Variants in SNX8 observed in about 807,000 individuals in gnomAD.
SNX8 encodes sorting nexin 8.
SNX8 carries 25 observed loss-of-function variants against 51.6 expected under a neutral mutation model. The observed-to-expected ratio is 0.48, with a 90% confidence interval of 0.35 to 0.68. SNX8 has a LOEUF of 0.68. SNX8 is among the 30% of genes least tolerant of loss of function. SNX8 has a pLI of 0.00. For synonymous variants in SNX8, 324 were observed against 277.0 expected (o/e 1.17, Z -1.68); for missense variants, 695 against 624.0 (o/e 1.11, Z -1.21).
chr7:2,281,602 C>T (rs928323893), intron 1 of SNX8, among the ~76,000 whole-genome samples: 14 of 152,064 alleles, frequency 9.2e-5, no homozygotes, highest in African/African-American at 3.1e-4. Flanking sequence ...TGAAGCAGTG[C>T]ACACAGCCCA....
In SNX8 at chr7:2,275,238, G is replaced by C. The variant is rs201038308; in HGVS notation, c.301-9C>G. ...ACCGAGGACTTGAAGCGCTGCAAGA[G>C]AAGGGTCGGTGCTTAGATCCGACGT... On this transcript the variant is annotated splice_polypyrimidine_tract_variant and intron_variant, in intron 2 of 10. Coordinates refer to ENST00000222990, the MANE Select transcript of SNX8 (RefSeq NM_013321.4). 9 of 1,588,932 alleles carry C rather than the reference G, an allele frequency of 5.7e-6. No individual in the cohort carries two copies. The highest frequency in any genetic ancestry group is 1.1e-5 in the South Asian group (1 of 90,622).
intron 2 of SNX8, among the ~76,000 whole-genome samples, chr7:2,277,070 G>A (rs1454345853): frequency 3.3e-5 from 5 of 152,228 alleles, no homozygotes; most frequent in East Asian, 1.9e-4. Flanking sequence ...CTCCCACACA[G>A]GAGTGGGCCC....
At chr7:2,350,979 C>T (rs1291542859) in intron 1 of SNX8, among the ~76,000 whole-genome samples, 1 of 152,106 alleles carries the variant, frequency 6.6e-6, no homozygotes, top group Non-Finnish European at 1.5e-5. Flanking sequence ...ATTAGCCGGG[C>T]ACAGTGGTGC....
intron 1 of SNX8, among the ~76,000 whole-genome samples, chr7:2,319,590 C>T (rs556519247): frequency 6.6e-6 from 1 of 152,092 alleles, no homozygotes; most frequent in Non-Finnish European, 1.5e-5. Context: ...CTGAGGTGGG[C>T]AGATCACAAG....
intron 1 of SNX8, among the ~76,000 whole-genome samples, chr7:2,305,218 G>T (rs1302712681): frequency 1.3e-5 from 2 of 152,150 alleles, no homozygotes; most frequent in African/African-American, 4.8e-5. Flanking sequence ...AGACACTGAG[G>T]CAAGAAAACG....
chr7:2,325,638 G>A (rs1778609634), intron 1 of SNX8, among the ~76,000 whole-genome samples: 1 of 151,802 alleles, frequency 6.6e-6, no homozygotes, highest in African/African-American at 2.4e-5. Context: ...GACCAGCTTG[G>A]GCAACATGGC....
chr7:2,257,336 CG>C (rs753151709), intron 9 of SNX8, 28 bp downstream of exon 9: 1 of 1,592,488 alleles, frequency 6.3e-7, no homozygotes, highest in South Asian at 1.1e-5. Flanking sequence ...AAGGCTCCCA[CG>C]GGCCTGCTCG....
At chr7:2,317,413 T>C (rs1222704558), upstream of SNX8, among the ~76,000 whole-genome samples, 1 of 151,246 alleles carries the variant, frequency 6.6e-6, no homozygotes, top group Non-Finnish European at 1.5e-5. Context: ...GTGTAGCTGG[T>C]ATTACAGGCG....
chr7:2,320,130 C>T (rs1392194453), intron 1 of SNX8, among the ~76,000 whole-genome samples: 3 of 152,014 alleles, frequency 2.0e-5, no homozygotes, highest in African/African-American at 4.8e-5. Flanking sequence ...CTGAGGCAGG[C>T]GGATCACCTG....
chr7:2,341,892 G>T (rs1228711179), intron 1 of SNX8, among the ~76,000 whole-genome samples: 1 of 152,048 alleles, frequency 6.6e-6, no homozygotes, highest in African/African-American at 2.4e-5. Context: ...AGAATCACTT[G>T]AACCCAGGAG....
chr7:2,276,900 G>A (rs371048618), intron 2 of SNX8, among the ~76,000 whole-genome samples: 16 of 152,194 alleles, frequency 1.1e-4, no homozygotes, highest in East Asian at 5.8e-4. Context: ...AGCTATGATC[G>A]TGCCACTGCA....
upstream of SNX8, among the ~76,000 whole-genome samples, chr7:2,317,044 C>T (rs1380385729): frequency 6.6e-6 from 1 of 152,008 alleles, no homozygotes; most frequent in Non-Finnish European, 1.5e-5. Flanking sequence ...CGATCCCTTC[C>T]CTACATGGGT....
At chr7:2,294,528 G>A (rs1383677332) in intron 1 of SNX8, among the ~76,000 whole-genome samples, 4 of 152,182 alleles carry the variant, frequency 2.6e-5, no homozygotes, top group African/African-American at 7.2e-5. Context: ...GAGGCCCAGC[G>A]GGTGATGACC....
chr7:2,325,839 AT>A (rs1193438686), intron 1 of SNX8, among the ~76,000 whole-genome samples: 1 of 152,058 alleles, frequency 6.6e-6, no homozygotes, highest in East Asian at 1.9e-4. Context: ...CTCAAAAAAA[AT>A]TTTTTTAAAT....
At chr7:2,263,461 C>A in intron 6 of SNX8, 99 bp from the exon 7 acceptor site, 1 of 1,212,736 alleles carries the variant, frequency 8.2e-7, no homozygotes, top group Non-Finnish European at 1.1e-6. Context: ...TCCACGGCAA[C>A]CTGCGTGACC....
At chr7:2,336,315 C>A (rs990113139) in intron 1 of SNX8, among the ~76,000 whole-genome samples, 2 of 151,822 alleles carry the variant, frequency 1.3e-5, no homozygotes, top group East Asian at 1.9e-4. Flanking sequence ...GCAGGAGAAT[C>A]GCTTGAACTG....
chr7:2,336,102 C>T (rs948540634), intron 1 of SNX8, among the ~76,000 whole-genome samples: 4 of 107,592 alleles, frequency 3.7e-5, no homozygotes, highest in African/African-American at 6.5e-5. Context: ...AACTCCATCT[C>T]GAGAAAAAAA....
chr7:2,254,802 G>A lies in SNX8; in HGVS notation c.*254C>T. 1 of 557,926 alleles carries A rather than the reference G, an allele frequency of 1.8e-6. No individual in the cohort carries two copies. The highest frequency in any genetic ancestry group is 3.2e-6 in the Non-Finnish European group (1 of 311,518). The allele number at this position is 557,926 out of a possible 1,614,324, so 34.6% of individuals were successfully genotyped here. On this transcript the variant is annotated 3_prime_UTR_variant, in exon 11 of 11. Coordinates refer to ENST00000222990, the MANE Select transcript of SNX8 (RefSeq NM_013321.4). ...CCCGCACAGCTCTGGGTGTCAGGAG[G>A]AAACCATTCCAGAGAACCCCACCAC...
intron 7 of SNX8, 97 bp from the exon 8 acceptor site, chr7:2,257,900 C>T: frequency 8.3e-7 from 1 of 1,201,256 alleles, no homozygotes; most frequent in Non-Finnish European, 1.2e-6. Flanking sequence ...CGGTTCCTTC[C>T]TCCCAGAGTC....
Sources: gnomAD v4.1 joint callset for allele counts (sites outside exome capture counted in the v4.1 genomes callset) on GRCh38, gnomAD v4.1.1 for gene constraint, MANE v1.5 for transcripts, NCBI Gene and HGNC (gene_info 2026-07-23, HGNC 2026-07-21) for gene names.